STAB2: variants seen among roughly 807,000 people sequenced by gnomAD.
STAB2 encodes the protein stabilin 2.
Under a neutral mutation model 338.1 loss-of-function variants are expected in STAB2, and 288 were observed. The observed-to-expected ratio is 0.85, with a 90% CI of 0.77 to 0.94. The LOEUF (loss-of-function observed/expected upper bound fraction) is 0.94. Among genes scored for constraint, STAB2 ranks in the 40% least tolerant of loss-of-function variants. STAB2 has a pLI of 0.00. For synonymous variants in STAB2, 1,202 were observed against 1,193.3 expected (o/e 1.01, Z -0.15); for missense variants, 3,141 against 3,210.1 (o/e 0.98, Z 0.52).
intron 8 of STAB2, 63 bp downstream of exon 8, chr12:103,638,275 G>T: frequency 1.3e-6 from 2 of 1,528,300 alleles, no homozygotes; most frequent in South Asian, 2.5e-5. Flanking sequence ...TGTGTCACAG[G>T]TATCATTTGT....
Position 103,677,521 on chromosome 12 carries a change from G to A in STAB2, c.2715G>A (p.Gly905=), listed in dbSNP as rs199554200. 39 of 1,614,196 alleles carry A rather than the reference G, an allele frequency of 2.4e-5. No homozygotes were observed. In the African/African-American group the frequency reaches 4.8e-4, roughly 20 times the overall value. ...GTCAGCAGGGTTGGACAGGGAATGG[G>A]AGAGACTGCTCGGAGATCAACAACT... ...CVCQQGWTGN[G]RDCSEINNCL... is the part of the protein sequence containing the mutation. Residue 905 remains glycine, a synonymous_variant, in exon 25 of 69, where the codon GGG becomes GGA. Transcript: ENST00000388887.
intron 3 of STAB2, among the ~76,000 whole-genome samples, chr12:103,607,847 A>G (rs1464827021): frequency 1.3e-5 from 2 of 152,200 alleles, no homozygotes; most frequent in African/African-American, 4.8e-5. Context: ...CAATAAACAT[A>G]CGTGTGCATG....
At chr12:103,706,737 C>G in intron 37 of STAB2, 55 bp from the exon 38 acceptor site, 1 of 1,605,112 alleles carries the variant, frequency 6.2e-7, no homozygotes, top group Non-Finnish European at 8.5e-7. Flanking sequence ...TACACCGAGG[C>G]TGGACAACAC....
rs182775512 is a variant in STAB2, at chr12:103,723,407, A to G, written c.4684-1568A>G. Among the ~76,000 whole-genome samples, 593 of 152,298 alleles carry G rather than the reference A, an allele frequency of 3.9e-3. 6 individuals carry two copies. The highest frequency in any genetic ancestry group is 0.013 in the African/African-American group (544 of 41,560). On this transcript the variant is annotated intron_variant, in intron 44 of 68. Coordinates refer to ENST00000388887, the MANE Select transcript of STAB2 (RefSeq NM_017564.10). ...TCAGATCTCCTGAGATTCATTCACT[A>G]TTACAAGAAGAGCACAGGAAAGACC...
chr12:103,704,747 A>C (rs758104386), intron 36 of STAB2, 133 bp downstream of exon 36: 2 of 766,094 alleles, frequency 2.6e-6, no homozygotes, highest in Non-Finnish European at 4.1e-6. Context: ...TTACCTCGTT[A>C]TATTATATGC....
chr12:103,631,817 G>A, intron 6 of STAB2, 124 bp downstream of exon 6: 2 of 787,394 alleles, frequency 2.5e-6, no homozygotes, highest in Admixed American at 2.5e-5. Context: ...TTTCTGGAAA[G>A]AAACTAGAAA....
chr12:103,738,097 T>G (rs1241152094), intron 53 of STAB2, among the ~76,000 whole-genome samples: 1 of 152,154 alleles, frequency 6.6e-6, no homozygotes, highest in Non-Finnish European at 1.5e-5. Flanking sequence ...CATCCCTCTA[T>G]TCAGTCACTC....
intron 57 of STAB2, 119 bp from the exon 58 acceptor site, chr12:103,746,478 T>C: frequency 1.2e-6 from 1 of 830,876 alleles, no homozygotes; most frequent in Non-Finnish European, 2.0e-6. Context: ...ATCTTCCTGC[T>C]GTACAGGGGC....
intron 67 of STAB2, 75 bp from the exon 68 acceptor site, chr12:103,763,417 C>T: frequency 7.4e-7 from 1 of 1,356,020 alleles, no homozygotes; most frequent in Non-Finnish European, 1.0e-6. Context: ...GGGTGGCTTG[C>T]TTTACCTGCC....
At chr12:103,654,806 T>C in intron 13 of STAB2, 108 bp downstream of exon 13, 1 of 1,384,838 alleles carries the variant, frequency 7.2e-7, no homozygotes, top group Non-Finnish European at 9.7e-7. Flanking sequence ...TCGTTTGTGC[T>C]AGGATCCCGA....
chr12:103,627,186 G>C (rs1957393471), intron 5 of STAB2, among the ~76,000 whole-genome samples: 1 of 152,052 alleles, frequency 6.6e-6, no homozygotes, highest in Non-Finnish European at 1.5e-5. Flanking sequence ...TGTGACTCCA[G>C]AGCCTGGGCC....
intron 43 of STAB2, among the ~76,000 whole-genome samples, chr12:103,717,350 T>C (rs1383057718): frequency 6.6e-6 from 1 of 152,152 alleles, no homozygotes; most frequent in Non-Finnish European, 1.5e-5. Flanking sequence ...CTCCTTAGCA[T>C]CTCCTAGCAC....
chr12:103,694,871 G>A (rs1392014567), intron 31 of STAB2, among the ~76,000 whole-genome samples: 1 of 152,082 alleles, frequency 6.6e-6, no homozygotes, highest in Non-Finnish European at 1.5e-5. Flanking sequence ...AGATAGATCA[G>A]ATGGATAACA....
chr12:103,620,657 GCA>G, intron 4 of STAB2, 104 bp downstream of exon 4: 3 of 888,032 alleles, frequency 3.4e-6, no homozygotes, highest in African/African-American at 1.9e-5. Context: ...ACACACACGT[GCA>G]CACACACATA....
chr12:103,593,902 G>T (rs1047477877), intron 2 of STAB2, among the ~76,000 whole-genome samples: 18 of 152,306 alleles, frequency 1.2e-4, no homozygotes, highest in Admixed American at 6.5e-4. Flanking sequence ...CTCCTACAAG[G>T]ATATTGTGGG....
intron 51 of STAB2, among the ~76,000 whole-genome samples, chr12:103,733,738 T>A (rs1337426535): frequency 6.6e-6 from 1 of 151,040 alleles, no homozygotes; most frequent in East Asian, 2.0e-4. Flanking sequence ...CATATAGGAA[T>A]AAGCATGATC....
intron 25 of STAB2, among the ~76,000 whole-genome samples, chr12:103,680,159 T>G (rs1876769669): frequency 6.6e-6 from 1 of 152,136 alleles, no homozygotes; most frequent in Non-Finnish European, 1.5e-5. Flanking sequence ...GTGTAACGGG[T>G]CTGGAGTTTC....
intron 39 of STAB2, among the ~76,000 whole-genome samples, chr12:103,710,815 G>T (rs1593268228): frequency 6.6e-6 from 1 of 152,092 alleles, no homozygotes; most frequent in Admixed American, 6.5e-5. Flanking sequence ...TATCCCAAAA[G>T]CTCTTAACAT....
At chr12:103,589,324 T>C (rs1038260036) in intron 1 of STAB2, among the ~76,000 whole-genome samples, 10 of 152,168 alleles carry the variant, frequency 6.6e-5, no homozygotes, top group African/African-American at 2.4e-4. Context: ...AGAAGAAGCC[T>C]ACCTCTTTCT....
Sources: gnomAD v4.1 joint callset for allele counts (sites outside exome capture counted in the v4.1 genomes callset) on GRCh38, gnomAD v4.1.1 for gene constraint, MANE v1.5 for transcripts, NCBI Gene and HGNC (gene_info 2026-07-23, HGNC 2026-07-21) for gene names.